SCARA5: variants seen among roughly 807,000 people sequenced by gnomAD.
SCARA5 encodes scavenger receptor class A member 5.
SCARA5 carries 45 observed loss-of-function variants against 46.3 expected under a neutral mutation model. That is an observed-to-expected ratio of 0.97 (90% confidence interval 0.76 to 1.24). The LOEUF is 1.24. SCARA5 is among the 50% of genes most tolerant of loss of function. SCARA5 has a pLI of 0.00. For missense variants in SCARA5, 680 were observed against 689.0 expected (o/e 0.99, Z 0.15); for synonymous variants, 333 against 306.5 (o/e 1.09, Z -0.90).
At chr8:27,888,954 G>A (rs1434166648) in intron 7 of SCARA5, among the ~76,000 whole-genome samples, 1 of 152,132 alleles carries the variant, frequency 6.6e-6, no homozygotes, top group Non-Finnish European at 1.5e-5. Flanking sequence ...AACTTTTCTG[G>A]AGTGTCAATT....
intron 7 of SCARA5, among the ~76,000 whole-genome samples, chr8:27,897,067 G>T (rs1807074896): frequency 6.6e-6 from 1 of 150,952 alleles, no homozygotes; most frequent in Non-Finnish European, 1.5e-5. Context: ...ACTCCAGGCT[G>T]GGCGACAGAG....
Position 27,921,679 on chromosome 8 carries a change from C to T in SCARA5, c.808G>A (p.Glu270Lys), listed in dbSNP as rs267601883. The stretch of plus-strand genomic sequence containing the variant: ...GCCAGCTCCTGCTTCAGCTGCAGCT[C>T]CATGCCTACGTGCGCCAGGCGCAGG... The part of the protein sequence containing the change: ...RRLRLAHVGM[E>K]LQLKQELAML... Residue 270 changes from glutamate to lysine, a missense_variant, in exon 4 of 9, where the codon GAG becomes AAG. This residue lies in a region of SCARA5 where 438 missense variants were observed against 384.5 expected (regional missense o/e 1.14). Coordinates refer to ENST00000354914, the MANE Select transcript of SCARA5 (RefSeq NM_173833.6). 8 of 1,608,894 alleles carry T rather than the reference C, an allele frequency of 5.0e-6. No individual in the cohort carries two copies. The highest frequency in any genetic ancestry group is 6.8e-6 in the Non-Finnish European group (8 of 1,177,928).
At chr8:27,962,865 C>G (rs1173838140) in intron 3 of SCARA5, among the ~76,000 whole-genome samples, 2 of 152,216 alleles carry the variant, frequency 1.3e-5, no homozygotes, top group Non-Finnish European at 2.9e-5. Flanking sequence ...TGTCCCTTTG[C>G]CCTGCACTCA....
chr8:27,885,988 T>G (rs1806888596), intron 7 of SCARA5: 1 of 154,776 alleles, frequency 6.5e-6, no homozygotes, highest in African/African-American at 2.4e-5. Context: ...CAAGGATGTC[T>G]CTGGCCCATG....
At chr8:27,947,203 G>A (rs1381792793) in intron 3 of SCARA5, among the ~76,000 whole-genome samples, 1 of 152,120 alleles carries the variant, frequency 6.6e-6, no homozygotes, top group African/African-American at 2.4e-5. Context: ...GTAGAGACAG[G>A]GTTTCGCCGT....
intron 4 of SCARA5, among the ~76,000 whole-genome samples, chr8:27,918,562 AAAG>A (rs1360834090): frequency 2.7e-5 from 4 of 149,730 alleles, no homozygotes; most frequent in Non-Finnish European, 1.5e-5. Flanking sequence ...AGGAGGAGAA[AAAG>A]AAGGAAGACA....
intron 2 of SCARA5, among the ~76,000 whole-genome samples, chr8:27,975,517 T>G (rs1450074308): frequency 1.4e-5 from 2 of 147,068 alleles, no homozygotes. Flanking sequence ...CCTGTGGGAA[T>G]CCAAGGCTAC....
Position 27,871,573 on chromosome 8 carries a change from T to C in SCARA5, c.*361A>G. 4 of 1,114,628 alleles carry C rather than the reference T, an allele frequency of 3.6e-6. No homozygotes were observed. Among genetic ancestry groups the C allele is most frequent in the Non-Finnish European group, 4.4e-6 (4 of 908,292 alleles). 69.0% of individuals were successfully genotyped at this position (1,114,628 alleles called of 1,614,324 possible). On this transcript the variant is annotated 3_prime_UTR_variant, in exon 9 of 9. Transcript: ENST00000354914. ...CCAACCATCGCTGCTGCTGCACTTG[T>C]CTCTGACACATTCTCAGCATTCACC...
At chr8:27,949,435 T>G (rs1808087863) in intron 3 of SCARA5, among the ~76,000 whole-genome samples, 1 of 152,210 alleles carries the variant, frequency 6.6e-6, no homozygotes, top group African/African-American at 2.4e-5. Context: ...CTCAGAGCAG[T>G]GGGTGAGGCT....
intron 2 of SCARA5, 86 bp from the exon 3 acceptor site, chr8:27,966,628 G>A: frequency 7.4e-7 from 1 of 1,351,800 alleles, no homozygotes; most frequent in Non-Finnish European, 1.0e-6. Flanking sequence ...ATCTCTCCCT[G>A]ATGCATGCAG....
chr8:27,920,456 A>G (rs892974714), intron 4 of SCARA5, among the ~76,000 whole-genome samples: 1 of 151,954 alleles, frequency 6.6e-6, no homozygotes, highest in South Asian at 2.1e-4. Flanking sequence ...TCTACTAAAA[A>G]TACAAAAATT....
rs563125007 is a variant in SCARA5, at chr8:27,871,477, G to A, written c.*457C>T. The A allele has an allele frequency of 2.8e-5, 28 of 990,412 alleles. No homozygotes were observed. The East Asian group carries it at 2.2e-3, about 78-fold the overall frequency. 61.4% of individuals were successfully genotyped at this position (990,412 alleles called of 1,614,324 possible). A position where few individuals can be genotyped will look rare whatever the true frequency, so the allele number is the denominator to read the frequency against. ...ATCACTTGACGTTGCCTCTTGCTGG[G>A]GAGGAAGATGTAGAAACTCTTGGAC... On this transcript the variant is annotated 3_prime_UTR_variant, in exon 9 of 9. Transcript: ENST00000354914.
intron 7 of SCARA5, among the ~76,000 whole-genome samples, chr8:27,904,010 C>A (rs1330359462): frequency 3.7e-5 from 4 of 108,664 alleles, no homozygotes; most frequent in African/African-American, 1.4e-4. Flanking sequence ...TCTGGCAAGT[C>A]TCCAAGATTC....
At chr8:27,975,079 A>G (rs1420175483) in intron 2 of SCARA5, among the ~76,000 whole-genome samples, 2 of 152,152 alleles carry the variant, frequency 1.3e-5, no homozygotes, top group Non-Finnish European at 2.9e-5. Flanking sequence ...TGGGACTTTC[A>G]GCCTTACCCC....
At chr8:27,976,568 T>G (rs952338011) in intron 2 of SCARA5, among the ~76,000 whole-genome samples, 1 of 152,142 alleles carries the variant, frequency 6.6e-6, no homozygotes, top group Non-Finnish European at 1.5e-5. Context: ...CCACTTTGGT[T>G]TGATGAACTG....
At chr8:27,948,603 G>A (rs566155035) in intron 3 of SCARA5, among the ~76,000 whole-genome samples, 167 of 152,304 alleles carry the variant, frequency 1.1e-3, no homozygotes, top group South Asian at 2.3e-3. Context: ...GGGGCCTGGA[G>A]AGCTCTTCAA....
intron 3 of SCARA5, among the ~76,000 whole-genome samples, chr8:27,959,425 A>C (rs902818155): frequency 2.0e-5 from 3 of 152,078 alleles, no homozygotes; most frequent in Admixed American, 6.5e-5. Flanking sequence ...CCTTCCATTA[A>C]TTACCTGCTA....
At chr8:27,967,602 G>A (rs892365671) in intron 2 of SCARA5, among the ~76,000 whole-genome samples, 9 of 152,134 alleles carry the variant, frequency 5.9e-5, no homozygotes, top group African/African-American at 2.2e-4. Flanking sequence ...TCTCCAGAAG[G>A]ACTGTCCCCA....
intron 3 of SCARA5, among the ~76,000 whole-genome samples, chr8:27,923,898 T>C (rs1807640916): frequency 6.6e-6 from 1 of 152,172 alleles, no homozygotes; most frequent in Non-Finnish European, 1.5e-5. Flanking sequence ...GATCCTCTAT[T>C]TCCTCTTCAG....
Sources: allele counts gnomAD v4.1 joint callset (sites outside exome capture counted in the v4.1 genomes callset), GRCh38; gene constraint gnomAD v4.1.1; regional missense constraint gnomAD v4.1.1; transcripts MANE v1.5; gene names NCBI Gene and HGNC (gene_info 2026-07-23, HGNC 2026-07-21).